GID4: variants seen among roughly 807,000 people sequenced by gnomAD.
GID4 encodes glucose-induced degradation protein 4 homolog.
GID4 carries 7 observed loss-of-function variants against 32.4 expected under a neutral mutation model. That is an observed-to-expected ratio of 0.22 (90% CI 0.12 to 0.41). The LOEUF (loss-of-function observed/expected upper bound fraction) is 0.41, where lower values mean the gene tolerates loss of function less well. Ranked by LOEUF, GID4 falls within the 10% of genes least tolerant of loss-of-function variation. GID4 has a pLI of 1.00. For synonymous variants in GID4, 166 were observed against 170.0 expected (o/e 0.98, Z 0.18); for missense variants, 309 against 400.0 (o/e 0.77, Z 1.94).
At position 18,054,353 on chromosome 17, in the gene GID4, G is replaced by T. The variant is rs139718269; in HGVS notation, c.606+119G>T. 205 of 605,654 alleles carry T rather than the reference G, an allele frequency of 3.4e-4. No homozygotes were observed. In the East Asian group the frequency reaches 5.7e-3, roughly 17 times the overall value. The allele number at this position is 605,654 out of a possible 1,614,324, so 37.5% of individuals were successfully genotyped here. Reference sequence around the variant, plus strand: ...ACTGGGGCTTTGCAACCAAGTAAAAGGTTGCACTGCACACAGACCTCAGTT... The same window carrying T: ...ACTGGGGCTTTGCAACCAAGTAAAATGTTGCACTGCACACAGACCTCAGTT... On this transcript the variant is annotated intron_variant, in intron 3 of 5. Transcript: ENST00000268719.
At position 18,039,815 on chromosome 17, in the gene GID4, G is replaced by A. The variant is rs778333717; in HGVS notation, c.351G>A (p.Val117=). 6.3e-7 allele frequency: 1 copy of A among 1,577,318 alleles called. No individual in the cohort carries two copies. Among genetic ancestry groups the A allele is most frequent in the Non-Finnish European group, 8.6e-7 (1 of 1,162,880 alleles). ...CCATCAACACCCAGCAGCCCGGCGT[G>A]GCCACCAGCCTGCTCTACAGCGGCT... is the stretch of plus-strand genomic sequence containing the variant. ...PPPINTQQPG[V]ATSLLYSGSK... Residue 117 remains valine (V), a synonymous_variant, in exon 1 of 6, where the codon GTG becomes GTA. Coordinates refer to ENST00000268719, the MANE Select transcript of GID4 (RefSeq NM_024052.5). The surrounding 1 kb of genome is among the most constrained non-coding windows in gnomAD (Gnocchi z 5.3).
chr17:18,054,637 A>G (rs1469471055), intron 3 of GID4, among the ~76,000 whole-genome samples: 2 of 152,134 alleles, frequency 1.3e-5, no homozygotes, highest in African/African-American at 4.8e-5. Context: ...TGAGATGGAG[A>G]TGATGTTGTG....
At chr17:18,057,966 G>A (rs1365446219) in intron 3 of GID4, among the ~76,000 whole-genome samples, 1 of 151,904 alleles carries the variant, frequency 6.6e-6, no homozygotes. Flanking sequence ...CCAAGTAGCT[G>A]GGACTACAGG....
At chr17:18,056,680 A>G (rs759050867) in intron 3 of GID4, 13 of 1,540,866 alleles carry the variant, frequency 8.4e-6, no homozygotes, top group African/African-American at 5.5e-5. Flanking sequence ...GCAACTCTTA[A>G]TTTTCCCATT....
chr17:18,052,366 GC>G (rs2044919580), intron 2 of GID4, among the ~76,000 whole-genome samples: 1 of 152,142 alleles, frequency 6.6e-6, no homozygotes, highest in African/African-American at 2.4e-5. Context: ...TGCACCAGTG[GC>G]TTTTACTGTG....
intron 1 of GID4, among the ~76,000 whole-genome samples, chr17:18,043,700 C>T (rs572510337): frequency 1.3e-5 from 2 of 152,314 alleles, no homozygotes; most frequent in African/African-American, 2.4e-5. Flanking sequence ...AAGTTCATTA[C>T]AGTTTTTAAG....
chr17:18,042,840 T>A (rs898155503), intron 1 of GID4, among the ~76,000 whole-genome samples: 4 of 152,246 alleles, frequency 2.6e-5, no homozygotes, highest in African/African-American at 7.2e-5. Context: ...CCTAGTGTTT[T>A]TGAAGTGGTC....
intron 2 of GID4, among the ~76,000 whole-genome samples, chr17:18,046,064 A>G (rs1316634196): frequency 6.6e-6 from 1 of 152,222 alleles, no homozygotes; most frequent in Non-Finnish European, 1.5e-5. Flanking sequence ...GCAAGGAAAC[A>G]GGAAGTGGAA....
intron 3 of GID4, chr17:18,056,636 A>G (rs1375911884): frequency 6.7e-7 from 1 of 1,481,886 alleles, no homozygotes; most frequent in African/African-American, 1.4e-5. Context: ...ACTCAGTTTT[A>G]GGCTAGGTTG....
intron 5 of GID4, among the ~76,000 whole-genome samples, chr17:18,064,414 A>G (rs2045042714): frequency 6.6e-6 from 1 of 152,220 alleles, no homozygotes; most frequent in Non-Finnish European, 1.5e-5. Flanking sequence ...TTGATGGCTA[A>G]TGCATATTTC....
At chr17:18,059,968 C>T (rs552795227) in intron 4 of GID4, among the ~76,000 whole-genome samples, 1 of 151,114 alleles carries the variant, frequency 6.6e-6, no homozygotes, top group Non-Finnish European at 1.5e-5. Flanking sequence ...CCCCTGTAGT[C>T]GCAGCTACTC....
At chr17:18,063,425 A>C (rs2045034149) in intron 5 of GID4, among the ~76,000 whole-genome samples, 1 of 152,038 alleles carries the variant, frequency 6.6e-6, no homozygotes, top group African/African-American at 2.4e-5. Flanking sequence ...AAAAGTGTAC[A>C]AGTCAGTGAT....
At chr17:18,054,612 G>T (rs1055522347) in intron 3 of GID4, among the ~76,000 whole-genome samples, 1 of 152,052 alleles carries the variant, frequency 6.6e-6, no homozygotes. Context: ...ATGACCTCCG[G>T]CTTCGGGGCT....
At chr17:18,055,016 A>G (rs1307170753) in intron 3 of GID4, among the ~76,000 whole-genome samples, 1 of 152,008 alleles carries the variant, frequency 6.6e-6, no homozygotes, top group Non-Finnish European at 1.5e-5. Flanking sequence ...CCAAAAATAC[A>G]AAAAATTAGC....
chr17:18,046,479 G>A (rs1194844360), intron 2 of GID4, among the ~76,000 whole-genome samples: 1 of 152,078 alleles, frequency 6.6e-6, no homozygotes, highest in Admixed American at 6.5e-5. Context: ...ATGGTGTTGT[G>A]TGCCTGTAGT....
In GID4 at chr17:18,065,188, C is replaced by A; in HGVS notation, c.848C>A (p.Ser283Tyr). 1 of 1,613,296 alleles carries A rather than the reference C, an allele frequency of 6.2e-7. No individual in the cohort carries two copies. The highest frequency in any genetic ancestry group is 8.5e-7 in the Non-Finnish European group (1 of 1,179,272). ...YYHRSSEWYQ[S>Y]LNLTHVPEHS... ...TCTCCTCCCCCTTGCAGGTATCAGT[C>A]CCTCAATCTAACCCATGTTCCTGAA... is the stretch of plus-strand genomic sequence containing the variant. Residue 283 changes from serine to tyrosine, a missense_variant, in exon 6 of 6, where the codon TCC becomes TAC. By Grantham distance (144) the Ser-to-Tyr change is moderately radical. This residue lies in a region of GID4 where 116 missense variants were observed against 214.2 expected (regional missense o/e 0.54). Coordinates refer to ENST00000268719, the MANE Select transcript of GID4 (RefSeq NM_024052.5).
In GID4 at chr17:18,054,119, T is replaced by A; in HGVS notation, c.499-8T>A. The A allele has an allele frequency of 6.7e-7, 1 of 1,500,482 alleles. No homozygotes were observed. The highest frequency in any genetic ancestry group is 9.2e-7 in the Non-Finnish European group (1 of 1,083,314). The allele number at this position is 1,500,482 out of a possible 1,614,324, so 92.9% of individuals were successfully genotyped here. ...CATCTTATTTTGATATTTGGGTTTT[T>A]ACCATAGGAGTATCCAACCCTTACA... is the stretch of plus-strand genomic sequence containing the variant. On this transcript the variant is annotated splice_region_variant and splice_polypyrimidine_tract_variant and intron_variant, in intron 2 of 5. Coordinates refer to ENST00000268719, the MANE Select transcript of GID4 (RefSeq NM_024052.5).
Position 18,039,573 on chromosome 17 carries a change from C to T in GID4, c.109C>T (p.Arg37Trp). 3 of 1,301,402 alleles carry T rather than the reference C, an allele frequency of 2.3e-6. No individual in the cohort carries two copies. The highest frequency in any genetic ancestry group is 2.4e-5 in the South Asian group (1 of 42,008). 80.6% of individuals were successfully genotyped at this position (1,301,402 alleles called of 1,614,324 possible). ...GCCGGAGCGCTTGCTCCGCAGGCAG[C>T]GGGCGGGTGGTCGCCCCTCCCGCCC... is the stretch of plus-strand genomic sequence containing the variant. Reference protein sequence around the residue: ...WRPERLLRRQRAGGRPSRPHP... With the variant: ...WRPERLLRRQWAGGRPSRPHP... The change falls in exon 1 of 6, where the codon CGG becomes TGG. Residue 37 changes from arginine (R) to tryptophan (W), a missense_variant. Physicochemically the swap from Arg to Trp is moderately radical, Grantham distance 101 (BLOSUM62 -3). Transcript: ENST00000268719. The surrounding 1 kb of genome is among the most constrained non-coding windows in gnomAD (Gnocchi z 5.3).
At chr17:18,049,681 C>A (rs1290933292) in intron 2 of GID4, among the ~76,000 whole-genome samples, 1 of 152,014 alleles carries the variant, frequency 6.6e-6, no homozygotes, top group Non-Finnish European at 1.5e-5. Context: ...CTCTGTTGCC[C>A]AGGCTTGAGT....
Sources: allele counts gnomAD v4.1 joint callset (sites outside exome capture counted in the v4.1 genomes callset), GRCh38; gene constraint gnomAD v4.1.1; regional missense constraint gnomAD v4.1.1; non-coding constraint Gnocchi (gnomAD v3.1); transcripts MANE v1.5; gene names NCBI Gene and HGNC (gene_info 2026-07-23, HGNC 2026-07-21).